The following ROBO1 variants were observed in gnomAD, a reference collection of about 807,000 sequenced individuals.
The protein encoded by ROBO1 is roundabout homolog 1.
Under a neutral mutation model 195.9 loss-of-function variants are expected in ROBO1, and 149 were observed. That is an observed-to-expected ratio of 0.76 (90% CI 0.67 to 0.87). The LOEUF (loss-of-function observed/expected upper bound fraction) is 0.87, where lower values mean the gene tolerates loss of function less well. Ranked by LOEUF, ROBO1 falls within the 40% of genes least tolerant of loss-of-function variation. The pLI, the probability that ROBO1 is intolerant of heterozygous loss-of-function variation, is 0.00. For missense variants in ROBO1, 1,933 were observed against 2,068.3 expected (o/e 0.93, Z 1.27); for synonymous variants, 816 against 733.2 (o/e 1.11, Z -1.82).
Position 78,885,412 on chromosome 3 carries a change from T to TAAA in ROBO1, c.499+53186_499+53188dup, listed in dbSNP as rs59912706. ...GCACTTGTAACCCTGAATTTAAAAC[T>TAAA]AAAAAAAAAAAAAAAAAAAAAAAAA... On this transcript the variant is annotated intron_variant, in intron 4 of 30. Transcript: ENST00000464233. Among the ~76,000 whole-genome samples the TAAA allele has an allele frequency of 3.2e-3, 173 of 53,706 alleles. 18 individuals are homozygous for TAAA. The highest frequency in any genetic ancestry group is 8.9e-3 in the East Asian group (11 of 1,242). 35.2% of individuals were successfully genotyped at this position (53,706 alleles called of 152,430 possible). A position where few individuals can be genotyped will look rare whatever the true frequency, so the allele number is the denominator to read the frequency against.
chr3:79,303,511 G>A (rs1313225172), intron 2 of ROBO1, among the ~76,000 whole-genome samples: 1 of 151,830 alleles, frequency 6.6e-6, no homozygotes, highest in Non-Finnish European at 1.5e-5. Context: ...CATTATCTCA[G>A]CATTTTTCAA....
intron 3 of ROBO1, among the ~76,000 whole-genome samples, chr3:78,965,145 T>C (rs996698248): frequency 3.9e-5 from 6 of 152,024 alleles, no homozygotes; most frequent in Non-Finnish European, 7.4e-5. Flanking sequence ...TCAAGGACTA[T>C]ATGTTTCACA....
chr3:79,267,179 A>T (rs532308612), intron 2 of ROBO1, among the ~76,000 whole-genome samples: 3 of 151,666 alleles, frequency 2.0e-5, no homozygotes, highest in Non-Finnish European at 4.4e-5. Context: ...TCCCATCTTC[A>T]TTAAAACTTC....
intron 1 of ROBO1, among the ~76,000 whole-genome samples, chr3:79,750,635 G>T (rs948218361): frequency 6.6e-6 from 1 of 152,150 alleles, no homozygotes; most frequent in Non-Finnish European, 1.5e-5. Context: ...AGATCTGATG[G>T]CTTTAAAAAT....
At chr3:78,762,162 C>G (rs149486456) in intron 4 of ROBO1, among the ~76,000 whole-genome samples, 199 of 152,020 alleles carry the variant, frequency 1.3e-3, no homozygotes, top group African/African-American at 4.5e-3. Context: ...AGACAGATAT[C>G]TTTAGGTAAG....
Position 78,606,779 on chromosome 3 carries a change from C to CT in ROBO1, c.4697dup (p.Ala1567GlyfsTer23). ...CTGGTGGAAGGTCTCGTTTTGCTGCCTTGTTTCCACGTCCTTTCCCGTCAT... is the reference window on the plus strand; with the variant it reads ...CTGGTGGAAGGTCTCGTTTTGCTGCCTTTGTTTCCACGTCCTTTCCCGTCAT... On this transcript the variant is annotated frameshift_variant, in exon 29 of 31. Transcript: ENST00000464233. LOFTEE classifies it high-confidence loss of function. The CT allele has an allele frequency of 6.2e-7, 1 of 1,613,880 alleles. No individual in the cohort carries two copies. Among genetic ancestry groups the CT allele is most frequent in the Non-Finnish European group, 8.5e-7 (1 of 1,179,874 alleles).
At chr3:79,657,180 T>C (rs1412350392) in intron 1 of ROBO1, among the ~76,000 whole-genome samples, 1 of 152,130 alleles carries the variant, frequency 6.6e-6, no homozygotes, top group Non-Finnish European at 1.5e-5. Context: ...TGGGCATTAA[T>C]ATAAAATGCA....
At chr3:78,919,074 T>C (rs1221203342) in intron 4 of ROBO1, among the ~76,000 whole-genome samples, 2 of 152,218 alleles carry the variant, frequency 1.3e-5, no homozygotes, top group East Asian at 1.9e-4. Flanking sequence ...TAAAGTGTCA[T>C]ATTAAGATAA....
intron 4 of ROBO1, among the ~76,000 whole-genome samples, chr3:78,748,714 G>A (rs2082718416): frequency 6.6e-6 from 1 of 151,412 alleles, no homozygotes; most frequent in South Asian, 2.1e-4. Flanking sequence ...GTATCCATTC[G>A]AGTAAGTTAT....
intron 2 of ROBO1, among the ~76,000 whole-genome samples, chr3:79,150,227 T>C (rs1026702344): frequency 2.6e-5 from 4 of 151,738 alleles, no homozygotes; most frequent in African/African-American, 9.7e-5. Context: ...CTGTGACAGA[T>C]CTACAAAGAG....
intron 5 of ROBO1, among the ~76,000 whole-genome samples, chr3:78,720,539 T>C (rs1295225584): frequency 5.9e-5 from 9 of 152,166 alleles, no homozygotes; most frequent in Admixed American, 5.9e-4. Flanking sequence ...AGTGTGGCAA[T>C]TCCTCAGGGA....
rs146090878 is a variant in ROBO1, at chr3:79,564,547, A to C, written c.88+25277T>G. Among the ~76,000 whole-genome samples the C allele has an allele frequency of 2.8e-3, 424 of 152,180 alleles. 2 individuals are homozygous for C. The highest frequency in any genetic ancestry group is 9.6e-3 in the African/African-American group (400 of 41,536). On this transcript the variant is annotated intron_variant, in intron 2 of 30. Transcript: ENST00000464233. The stretch of plus-strand genomic sequence containing the variant: ...CAAACAGTAATTTATCAACAAGGAG[A>C]TATTTTATGAATTGAATGTGGGTGA...
intron 2 of ROBO1, among the ~76,000 whole-genome samples, chr3:79,390,089 A>T (rs2036892589): frequency 6.6e-6 from 1 of 152,126 alleles, no homozygotes; most frequent in African/African-American, 2.4e-5. Flanking sequence ...GAGAATAAGA[A>T]ATATCAATAA....
At chr3:79,239,179 T>C (rs2082467663) in intron 2 of ROBO1, among the ~76,000 whole-genome samples, 1 of 152,026 alleles carries the variant, frequency 6.6e-6, no homozygotes, top group Non-Finnish European at 1.5e-5. Flanking sequence ...AGATAAGTAA[T>C]AACAACAAAT....
intron 2 of ROBO1, among the ~76,000 whole-genome samples, chr3:79,456,806 CT>C (rs1290852958): frequency 6.6e-6 from 1 of 152,004 alleles, no homozygotes; most frequent in East Asian, 1.9e-4. Context: ...TAATAATATT[CT>C]TTCCTCCAAA....
chr3:79,764,584 G>A (rs951699440), intron 1 of ROBO1, among the ~76,000 whole-genome samples: 4 of 152,116 alleles, frequency 2.6e-5, no homozygotes, highest in African/African-American at 9.7e-5. Context: ...TCACATCTTT[G>A]TGGTGTCTAG....
rs142010090 is a variant in ROBO1, at chr3:79,705,790, C to T, written c.-51+61962G>A. The stretch of plus-strand genomic sequence containing the variant: ...GGGAGAACTGACATCTTGATAATAT[C>T]GAGTCTTCATATTCATTAACATGGA... On this transcript the variant is annotated intron_variant, in intron 1 of 30. Coordinates refer to ENST00000464233, the MANE Select transcript of ROBO1 (RefSeq NM_002941.4). Among the ~76,000 whole-genome samples the T allele has an allele frequency of 3.4e-4, 51 of 152,124 alleles. No homozygotes were observed. In the East Asian group the frequency reaches 9.5e-3, roughly 28 times the overall value.
intron 10 of ROBO1, among the ~76,000 whole-genome samples, chr3:78,675,055 T>C (rs1708315453): frequency 6.6e-6 from 1 of 152,106 alleles, no homozygotes; most frequent in South Asian, 2.1e-4. Flanking sequence ...ACGTATCATA[T>C]ACAGAGGTAA....
At chr3:79,160,292 TC>T (rs2080935404) in intron 2 of ROBO1, among the ~76,000 whole-genome samples, 1 of 151,670 alleles carries the variant, frequency 6.6e-6, no homozygotes, top group Non-Finnish European at 1.5e-5. Context: ...AACTTTTTTT[TC>T]AATAAGGTCT....
Sources: gnomAD v4.1 joint callset for allele counts (sites outside exome capture counted in the v4.1 genomes callset) on GRCh38, gnomAD v4.1.1 for gene constraint, MANE v1.5 for transcripts, NCBI Gene and HGNC (gene_info 2026-07-23, HGNC 2026-07-21) for gene names.